Variants in TNNI3K observed in about 807,000 individuals in gnomAD.
The protein encoded by TNNI3K is TNNI3 interacting kinase.
TNNI3K carries 140 observed loss-of-function variants against 114.5 expected under a neutral mutation model. The ratio of observed to expected loss-of-function variants is 1.22; its 90% CI spans 1.07 to 1.41. The LOEUF is 1.41. TNNI3K is among the 40% of genes most tolerant of loss of function. The pLI is 0.00. For missense variants in TNNI3K, 1,125 were observed against 1,007.6 expected, an observed-to-expected ratio of 1.12 and a Z score of -1.58; for synonymous variants, 347 against 347.5, an observed-to-expected ratio of 1.00 and a Z score of 0.02.
Position 74,298,161 on chromosome 1 carries a change from A to G in TNNI3K, c.444+26453A>G, listed in dbSNP as rs947923543. Among the ~76,000 whole-genome samples, 3 of 152,154 alleles carry G rather than the reference A, an allele frequency of 2.0e-5. No homozygotes were observed. In the South Asian group the frequency reaches 6.2e-4, roughly 32 times the overall value. On this transcript the variant is annotated intron_variant, in intron 5 of 24. Coordinates refer to ENST00000326637, the MANE Select transcript of TNNI3K (RefSeq NM_015978.3). ...ATCTCATTCTGAATACTAACTAAAG[A>G]TATCATTTATTTGCCTCTCATATAC... is the stretch of plus-strand genomic sequence containing the variant.
intron 23 of TNNI3K, among the ~76,000 whole-genome samples, chr1:74,515,448 G>A (rs931730635): frequency 3.9e-5 from 6 of 152,146 alleles, no homozygotes; most frequent in Non-Finnish European, 5.9e-5. Flanking sequence ...AAATTCTAAC[G>A]TTTTATCATG....
chr1:74,366,852 C>G (rs1387425364), intron 11 of TNNI3K: 1 of 155,084 alleles, frequency 6.4e-6, no homozygotes, highest in African/African-American at 2.4e-5. Context: ...GCAAATACAT[C>G]TCTCTTTCCT....
intron 5 of TNNI3K, among the ~76,000 whole-genome samples, chr1:74,325,009 G>A (rs1009453278): frequency 7.2e-5 from 11 of 152,274 alleles, no homozygotes; most frequent in Admixed American, 6.5e-4. Context: ...TACCTTCGGG[G>A]AAGAATAAGC....
At chr1:74,386,619 T>C (rs1663493398) in intron 17 of TNNI3K, among the ~76,000 whole-genome samples, 1 of 152,168 alleles carries the variant, frequency 6.6e-6, no homozygotes, top group Non-Finnish European at 1.5e-5. Flanking sequence ...AAATTAGAAT[T>C]GTGGGGCACT....
chr1:74,369,253 G>A lies in TNNI3K; in HGVS notation c.1461G>A (p.Val487=). 6.2e-7 allele frequency: 1 copy of A among 1,611,986 alleles called. No individual in the cohort carries two copies. Among genetic ancestry groups the A allele is most frequent in the Non-Finnish European group, 8.5e-7 (1 of 1,178,980 alleles). Residue 487 remains valine (V), a synonymous_variant, in exon 15 of 25, where the codon GTG becomes GTA. Coordinates refer to ENST00000326637, the MANE Select transcript of TNNI3K (RefSeq NM_015978.3). ...AAGGACGATGCAGAAATAAAATAGT[G>A]GCTATAAAACGGTAAGCAAGCAAAT... is the stretch of plus-strand genomic sequence containing the variant. The part of the protein sequence containing the change: ...VYKGRCRNKI[V]AIKRYRANTY...
chr1:74,540,644 G>A (rs3845349), intron 24 of TNNI3K, among the ~76,000 whole-genome samples: 142,425 of 151,662 alleles, frequency 0.94, 66,990 homozygotes, highest in Middle Eastern at 0.97. Context: ...ATGATATTCC[G>A]AATACTTTGT....
intron 5 of TNNI3K, among the ~76,000 whole-genome samples, chr1:74,296,062 T>A (rs1467154946): frequency 6.7e-6 from 1 of 148,884 alleles, no homozygotes; most frequent in Non-Finnish European, 1.5e-5. Context: ...GATCACAAGG[T>A]CAGAAGATCG....
At position 74,369,069 on chromosome 1, in the gene TNNI3K, C is replaced by T; in HGVS notation, c.1369C>T (p.His457Tyr). 6.2e-7 allele frequency: 1 copy of T among 1,610,046 alleles called. No homozygotes were observed. Among genetic ancestry groups the T allele is most frequent in the Non-Finnish European group, 8.5e-7 (1 of 1,178,228 alleles). Reference protein sequence around the residue: ...LLRAGLPSHFHLQLSEIEFHE... With the variant: ...LLRAGLPSHFYLQLSEIEFHE... ...AAGAGCTGGATTGCCTTCACATTTCCATCTTCAGCTCTCAGAAATTGAGTT... is the reference window on the plus strand; with the variant it reads ...AAGAGCTGGATTGCCTTCACATTTCTATCTTCAGCTCTCAGAAATTGAGTT... The change falls in exon 14 of 25, where the codon CAT (histidine) becomes TAT (tyrosine). Residue 457 changes from histidine to tyrosine, a missense_variant. By Grantham distance (83) the His-to-Tyr change is moderately conservative. Transcript: ENST00000326637.
intron 21 of TNNI3K, chr1:74,480,125 G>A (rs1668406927): frequency 2.9e-6 from 2 of 696,230 alleles, no homozygotes; most frequent in Non-Finnish European, 5.3e-6. Context: ...GAAGAGAAAA[G>A]AGGAGGGCAC....
intron 21 of TNNI3K, among the ~76,000 whole-genome samples, chr1:74,478,780 A>G (rs888598887): frequency 1.3e-5 from 2 of 152,228 alleles, no homozygotes; most frequent in African/African-American, 2.4e-5. Context: ...TGGGATATCT[A>G]TTAATTATCC....
chr1:74,269,524 A>T (rs1483015237), intron 4 of TNNI3K, among the ~76,000 whole-genome samples: 1 of 151,790 alleles, frequency 6.6e-6, no homozygotes, highest in Non-Finnish European at 1.5e-5. Context: ...CTAGTTAGGA[A>T]GCTGCGTAAT....
chr1:74,334,822 G>A (rs1660384430), intron 6 of TNNI3K, among the ~76,000 whole-genome samples: 1 of 152,158 alleles, frequency 6.6e-6, no homozygotes, highest in Non-Finnish European at 1.5e-5. Context: ...TGGCCAGAAG[G>A]AGACTTTGGA....
chr1:74,464,774 T>A (rs749875041), intron 21 of TNNI3K: 166 of 1,543,700 alleles, frequency 1.1e-4, no homozygotes, highest in Non-Finnish European at 1.3e-4. Flanking sequence ...CCTGATGTGT[T>A]ACATGTTTAT....
At chr1:74,481,149 A>G (rs1024486677) in intron 21 of TNNI3K, among the ~76,000 whole-genome samples, 14 of 152,218 alleles carry the variant, frequency 9.2e-5, no homozygotes, top group African/African-American at 3.4e-4. Flanking sequence ...CTGGCTATAT[A>G]TCAAAATGAT....
chr1:74,415,743 T>C (rs1249954605), intron 17 of TNNI3K, among the ~76,000 whole-genome samples: 1 of 148,630 alleles, frequency 6.7e-6, no homozygotes, highest in Admixed American at 6.6e-5. Flanking sequence ...CTTTGTTTTT[T>C]TTTTCCCCAG....
chr1:74,264,103 GA>G (rs1439055554), intron 4 of TNNI3K, among the ~76,000 whole-genome samples: 3 of 150,548 alleles, frequency 2.0e-5, no homozygotes, highest in Non-Finnish European at 4.4e-5. Flanking sequence ...GAGGTGAGGG[GA>G]AAAAATAGGT....
At chr1:74,241,464 C>T (rs866608175) in intron 2 of TNNI3K, among the ~76,000 whole-genome samples, 7 of 152,214 alleles carry the variant, frequency 4.6e-5, no homozygotes, top group South Asian at 2.1e-4. Context: ...TTTTTAATGA[C>T]TGCCATTCTA....
At chr1:74,239,356 T>A (rs1482861410) in intron 2 of TNNI3K, among the ~76,000 whole-genome samples, 1 of 152,072 alleles carries the variant, frequency 6.6e-6, no homozygotes, top group Non-Finnish European at 1.5e-5. Flanking sequence ...TCACAAAATT[T>A]TAAAGGTAGT....
At chr1:74,498,392 C>T (rs746852459) in intron 23 of TNNI3K, among the ~76,000 whole-genome samples, 55 of 152,266 alleles carry the variant, frequency 3.6e-4, no homozygotes, top group Middle Eastern at 3.4e-3. Context: ...CTCTGTGCCA[C>T]GTTATAATTC....
Sources: allele counts gnomAD v4.1 joint callset (sites outside exome capture counted in the v4.1 genomes callset), GRCh38; gene constraint gnomAD v4.1.1; transcripts MANE v1.5; gene names NCBI Gene and HGNC (gene_info 2026-07-23, HGNC 2026-07-21).